The following ABHD2 variants were observed in gnomAD, a reference collection of about 807,000 sequenced individuals.
The protein encoded by ABHD2 is abhydrolase domain containing 2, acylglycerol lipase, also known as monoacylglycerol lipase ABHD2.
Under a neutral mutation model 48.1 loss-of-function variants are expected in ABHD2, and 20 were observed. The observed-to-expected ratio is 0.42, with a 90% CI of 0.29 to 0.60. ABHD2 has a LOEUF of 0.60. Among genes scored for constraint, ABHD2 ranks in the 20% least tolerant of loss-of-function variants. The pLI is 0.24. For synonymous variants in ABHD2, 209 were observed against 214.2 expected, an observed-to-expected ratio of 0.98 and a Z score of 0.21; for missense variants, 405 against 550.9, an observed-to-expected ratio of 0.74 and a Z score of 2.65.
At chr15:89,191,051 T>C (rs1567113161) in intron 8 of ABHD2, 29 bp from the exon 9 acceptor site, 3 of 1,609,916 alleles carry the variant, frequency 1.9e-6, no homozygotes, top group South Asian at 1.1e-5. Flanking sequence ...TTGTCCTTTT[T>C]CTTTTTTTCT....
chr15:89,119,091 G>C (rs1055489540), intron 3 of ABHD2, among the ~76,000 whole-genome samples: 20 of 152,288 alleles, frequency 1.3e-4, no homozygotes, highest in Middle Eastern at 3.4e-3. Flanking sequence ...GCCCGAACTA[G>C]GGAGTGGTGG....
chr15:89,129,529 T>C (rs1482491683), intron 3 of ABHD2, among the ~76,000 whole-genome samples: 1 of 151,754 alleles, frequency 6.6e-6, no homozygotes, highest in Non-Finnish European at 1.5e-5. Flanking sequence ...GGAGAAAAAA[T>C]GGAAACTGGA....
At chr15:89,130,095 A>C (rs188050203) in intron 3 of ABHD2, among the ~76,000 whole-genome samples, 3 of 152,360 alleles carry the variant, frequency 2.0e-5, no homozygotes, top group African/African-American at 7.2e-5. Flanking sequence ...AAAACATGAA[A>C]TATTATTTGA....
Position 89,116,469 on chromosome 15 carries a change from G to A in ABHD2, c.142G>A (p.Asp48Asn). 2 of 1,614,198 alleles carry A rather than the reference G, an allele frequency of 1.2e-6. No homozygotes were observed. Among genetic ancestry groups the A allele is most frequent in the Non-Finnish European group, 1.7e-6 (2 of 1,180,032 alleles). The change falls in exon 3 of 11, where the codon GAC becomes AAC. Residue 48 changes from aspartate (D) to asparagine (N), a missense_variant. Coordinates refer to ENST00000352732, the MANE Select transcript of ABHD2 (RefSeq NM_152924.5). The surrounding 1 kb of genome is among the most constrained non-coding windows in gnomAD (Gnocchi z 4.6). ...PTAPPDLYFQ[D>N]SGLSRFLLKS... ...AGCCCCACCTGACCTCTACTTCCAG[G>A]ACTCGGGGCTCTCACGCTTTCTGCT...
chr15:89,077,464 C>G, the ABHD2 span, among the ~76,000 whole-genome samples: 1 of 152,132 alleles, frequency 6.6e-6, no homozygotes, highest in East Asian at 1.9e-4. Context: ...CCGTGTGTTT[C>G]TTTGGGTACA....
chr15:89,099,931 A>T (rs1270102738), intron 1 of ABHD2, among the ~76,000 whole-genome samples: 3 of 152,150 alleles, frequency 2.0e-5, no homozygotes, highest in Non-Finnish European at 4.4e-5. Context: ...AATAATAAAG[A>T]TACAGTGATT....
rs920444164 is a variant in ABHD2 at position 89,155,118 on chromosome 15, T to C, written c.371-249T>C. 6.6e-6 allele frequency among the ~76,000 whole-genome samples: 1 copy of C among 152,178 alleles called. No individual in the cohort carries two copies. The highest frequency in any genetic ancestry group is 2.4e-5 in the African/African-American group (1 of 41,412). On this transcript the variant is annotated intron_variant, in intron 4 of 10. Coordinates refer to ENST00000352732, the MANE Select transcript of ABHD2 (RefSeq NM_152924.5). This position sits in a 1 kb window ranked among gnomAD's most constrained non-coding sequence, Gnocchi z 4.9. ...TCATTTTTCCAGTAATTAACTTCTATTGTCTTTTCAAAAGTATCTGTTCAT... is the reference window on the plus strand; with the variant it reads ...TCATTTTTCCAGTAATTAACTTCTACTGTCTTTTCAAAAGTATCTGTTCAT...
chr15:89,081,313 C>T, the ABHD2 span, among the ~76,000 whole-genome samples: 1 of 151,846 alleles, frequency 6.6e-6, no homozygotes, highest in Non-Finnish European at 1.5e-5. Context: ...AGCCACTGCA[C>T]CGGCCAATTT....
At chr15:89,193,955 G>A (rs373968384) in intron 10 of ABHD2, among the ~76,000 whole-genome samples, 4 of 150,592 alleles carry the variant, frequency 2.7e-5, no homozygotes, top group South Asian at 2.1e-4. Context: ...GCTGGGCATG[G>A]TGGCACATAC....
chr15:89,181,195 C>G (rs1376558253), intron 6 of ABHD2, among the ~76,000 whole-genome samples: 1 of 127,094 alleles, frequency 7.9e-6, no homozygotes, highest in Non-Finnish European at 1.5e-5. Context: ...CATTACTGCA[C>G]TCCAGCCTGG....
At chr15:89,149,167 A>C (rs1249973704) in intron 3 of ABHD2, among the ~76,000 whole-genome samples, 2 of 152,038 alleles carry the variant, frequency 1.3e-5, no homozygotes, top group Admixed American at 6.6e-5. Context: ...AATTGATCTT[A>C]CATTGAACTG....
chr15:89,155,679 T>A lies in ABHD2; in HGVS notation c.538+145T>A. Reference sequence around the variant, plus strand: ...CACACGGTTATATCAACAGCCAACTTGTACTGGGCATTGATGATGCCATGC... The same window carrying A: ...CACACGGTTATATCAACAGCCAACTAGTACTGGGCATTGATGATGCCATGC... On this transcript the variant is annotated intron_variant, in intron 5 of 10. Transcript: ENST00000352732. The surrounding 1 kb of genome is among the most constrained non-coding windows in gnomAD (Gnocchi z 4.9). 9.8e-7 allele frequency: 1 copy of A among 1,025,258 alleles called. No individual in the cohort carries two copies. The highest frequency in any genetic ancestry group is 2.6e-5 in the East Asian group (1 of 39,132). 63.5% of individuals were successfully genotyped at this position (1,025,258 alleles called of 1,614,324 possible).
the ABHD2 span, among the ~76,000 whole-genome samples, chr15:89,047,573 G>T: frequency 6.8e-6 from 1 of 146,686 alleles, no homozygotes; most frequent in Non-Finnish European, 1.5e-5. Flanking sequence ...TTATGAATCT[G>T]GGTGCTCCTG....
At chr15:89,068,640 C>G in the ABHD2 span, among the ~76,000 whole-genome samples, 1 of 151,490 alleles carries the variant, frequency 6.6e-6, no homozygotes, top group Non-Finnish European at 1.5e-5. Flanking sequence ...AAGTGCATGG[C>G]ATTTTTATGA....
In ABHD2 at chr15:89,128,972, A is replaced by T. The variant is rs1406424167; in HGVS notation, c.194+12451A>T. Among the ~76,000 whole-genome samples, 10 of 152,266 alleles carry T rather than the reference A, an allele frequency of 6.6e-5. 1 individual carries two copies. The highest frequency in any genetic ancestry group is 5.9e-4 in the Admixed American group (9 of 15,294). ...GTAATGGAATGGCCTTGGGCATCAG[A>T]GGAAAGGGCTGAATCACAGATTATG... On this transcript the variant is annotated intron_variant, in intron 3 of 10. Transcript: ENST00000352732.
At chr15:89,067,321 T>A in the ABHD2 span, among the ~76,000 whole-genome samples, 1 of 152,218 alleles carries the variant, frequency 6.6e-6, no homozygotes, top group Non-Finnish European at 1.5e-5. Flanking sequence ...AGCATTTTCT[T>A]TGAAGCATAT....
chr15:89,128,690 C>G (rs182916694), intron 3 of ABHD2, among the ~76,000 whole-genome samples: 1 of 152,248 alleles, frequency 6.6e-6, no homozygotes, highest in Admixed American at 6.5e-5. Flanking sequence ...CTGGTCTGGT[C>G]TCTATAGTTG....
At chr15:89,065,887 G>A in the ABHD2 span, among the ~76,000 whole-genome samples, 4 of 152,054 alleles carry the variant, frequency 2.6e-5, no homozygotes, top group Non-Finnish European at 5.9e-5. Context: ...CTAGTATACT[G>A]GTATTATCTA....
chr15:89,195,506 C>T lies in ABHD2; in HGVS notation c.*83C>T. ...CCCCTGTTTCAGGTCTCCCATCTCC[C>T]TCAGTGACCTGGATCTGACCTCACA... is the stretch of plus-strand genomic sequence containing the variant. On this transcript the variant is annotated 3_prime_UTR_variant, in exon 11 of 11. Transcript: ENST00000352732. The surrounding 1 kb of genome is among the most constrained non-coding windows in gnomAD (Gnocchi z 5.1). 1.4e-6 allele frequency: 2 copies of T among 1,447,546 alleles called. No individual in the cohort carries two copies. Among genetic ancestry groups the T allele is most frequent in the Non-Finnish European group, 1.9e-6 (2 of 1,076,884 alleles). 89.7% of individuals were successfully genotyped at this position (1,447,546 alleles called of 1,614,324 possible). A position where few individuals can be genotyped will look rare whatever the true frequency, so the allele number is the denominator to read the frequency against.
Sources: allele counts gnomAD v4.1 joint callset (sites outside exome capture counted in the v4.1 genomes callset), GRCh38; gene constraint gnomAD v4.1.1; non-coding constraint Gnocchi (gnomAD v3.1); transcripts MANE v1.5; gene names NCBI Gene and HGNC (gene_info 2026-07-23, HGNC 2026-07-21).